CCDC150: variants seen among roughly 807,000 people sequenced by gnomAD.
CCDC150 encodes the protein coiled-coil domain containing 150, also known as coiled-coil domain-containing protein 150.
CCDC150 carries 151 observed loss-of-function variants against 156.5 expected under a neutral mutation model. The observed-to-expected ratio is 0.97, with a 90% CI of 0.85 to 1.10. CCDC150 has a LOEUF of 1.10. CCDC150 is among the 50% of genes least tolerant of loss of function. CCDC150 has a pLI of 0.00. For synonymous variants in CCDC150, 452 were observed against 429.4 expected (o/e 1.05, Z -0.65); for missense variants, 1,312 against 1,268.1 (o/e 1.03, Z -0.53).
At chr2:196,663,617 C>T (rs1693677975) in intron 5 of CCDC150, among the ~76,000 whole-genome samples, 1 of 151,914 alleles carries the variant, frequency 6.6e-6, no homozygotes, top group Admixed American at 6.6e-5. Flanking sequence ...GCAGTATTTA[C>T]AGTAGTGAAA....
rs1174516096 is a variant in CCDC150, at chr2:196,701,170, GA to G, written c.1689del (p.Lys563AsnfsTer4). On this transcript the variant is annotated frameshift_variant, in exon 15 of 28. Coordinates refer to ENST00000389175, the MANE Select transcript of CCDC150 (RefSeq NM_001080539.2). LOFTEE classifies it high-confidence loss of function. ...AAAAATAAACTGGCCTATGAAAACGGAAAACTCCAGGTATGAGATTTATTTT... is the reference window on the plus strand; with the variant it reads ...AAAAATAAACTGGCCTATGAAAACGGAAACTCCAGGTATGAGATTTATTTT... Reference protein sequence around the residue: ...ESKNKLAYENGKLQIKVKQLE... With the variant: ...ESKNKLAYENXKLQIKVKQLE... 1 of 1,596,486 alleles carries G rather than the reference GA, an allele frequency of 6.3e-7. No homozygotes were observed. Among genetic ancestry groups the G allele is most frequent in the East Asian group, 2.2e-5 (1 of 44,540 alleles).
intron 13 of CCDC150, among the ~76,000 whole-genome samples, chr2:196,691,361 T>TGCAACCAGAAA (rs1695460621): frequency 6.6e-6 from 1 of 152,230 alleles, no homozygotes; most frequent in East Asian, 1.9e-4. Flanking sequence ...TGCTAGGCTA[T>TGCAACCAGAAA]TTGTTACTGC....
intron 1 of CCDC150, among the ~76,000 whole-genome samples, chr2:196,642,608 C>T (rs886947886): frequency 6.6e-6 from 1 of 152,206 alleles, no homozygotes; most frequent in Non-Finnish European, 1.5e-5. Flanking sequence ...CAGCCATTAC[C>T]GCCCCCTCCC....
intron 17 of CCDC150, chr2:196,713,279 T>C (rs1697260152): frequency 7.1e-7 from 1 of 1,400,962 alleles, no homozygotes; most frequent in African/African-American, 1.5e-5. Context: ...ACTGTGTTGT[T>C]TCTCCTAGTA....
At chr2:196,712,082 A>C (rs1057135131) in intron 15 of CCDC150, 63 bp from the exon 16 acceptor site, 15 of 643,434 alleles carry the variant, frequency 2.3e-5, no homozygotes, top group Non-Finnish European at 3.9e-5. Flanking sequence ...AAATATGTGT[A>C]AATATATATG....
At chr2:196,683,063 A>C (rs1299855365) in intron 13 of CCDC150, among the ~76,000 whole-genome samples, 1 of 151,978 alleles carries the variant, frequency 6.6e-6, no homozygotes, top group Non-Finnish European at 1.5e-5. Context: ...TATTGAATAG[A>C]ATTGGTGAGA....
chr2:196,719,798 G>A, intron 19 of CCDC150, 132 bp downstream of exon 19: 1 of 550,822 alleles, frequency 1.8e-6, no homozygotes, highest in South Asian at 4.4e-5. Flanking sequence ...TATGTTGAAA[G>A]AATTCCTAAG....
chr2:196,716,015 TAAG>T (rs1697474382), intron 17 of CCDC150, among the ~76,000 whole-genome samples: 1 of 152,168 alleles, frequency 6.6e-6, no homozygotes, highest in Non-Finnish European at 1.5e-5. Context: ...ATTTAAATAC[TAAG>T]AAGAAAACCT....
intron 7 of CCDC150, among the ~76,000 whole-genome samples, chr2:196,669,475 A>G (rs1488715823): frequency 6.6e-6 from 1 of 152,130 alleles, no homozygotes; most frequent in Non-Finnish European, 1.5e-5. Flanking sequence ...GTCGGTCCTC[A>G]TCGTCATTAC....
chr2:196,693,027 T>C (rs942741264), intron 13 of CCDC150, among the ~76,000 whole-genome samples: 2 of 152,196 alleles, frequency 1.3e-5, no homozygotes, highest in African/African-American at 2.4e-5. Flanking sequence ...ATTTAAGATA[T>C]AATTCTTGTT....
intron 4 of CCDC150, among the ~76,000 whole-genome samples, chr2:196,658,560 G>C (rs2125586878): frequency 6.6e-6 from 1 of 152,204 alleles, no homozygotes; most frequent in South Asian, 2.1e-4. Flanking sequence ...CACTGTTTAT[G>C]ATATAAAAGA....
chr2:196,654,602 A>C (rs1005023358), intron 2 of CCDC150, among the ~76,000 whole-genome samples: 1 of 151,582 alleles, frequency 6.6e-6, no homozygotes, highest in Non-Finnish European at 1.5e-5. Context: ...GTACTTTTTT[A>C]TACTTTCTTA....
Position 196,721,546 on chromosome 2 carries a change from G to T in CCDC150, c.2284G>T (p.Gly762Cys), listed in dbSNP as rs1323974113. The T allele has an allele frequency of 6.2e-7, 1 of 1,605,782 alleles. No individual in the cohort carries two copies. The highest frequency in any genetic ancestry group is 8.5e-7 in the Non-Finnish European group (1 of 1,176,774). Reference protein sequence around the residue: ...SEIESLQKALGVAREDNRKLA... With the variant: ...SEIESLQKALCVAREDNRKLA... The stretch of plus-strand genomic sequence containing the variant: ...GATTGAATCTCTACAAAAAGCTCTA[G>T]GTGTAGCTAGAGAAGACAACAGGAA... The change falls in exon 21 of 28, where the codon GGT (glycine) becomes TGT (cysteine). Residue 762 changes from glycine to cysteine, a missense_variant. Transcript: ENST00000389175.
intron 7 of CCDC150, chr2:196,667,461 T>C (rs1443213151): frequency 6.5e-6 from 1 of 154,356 alleles, no homozygotes; most frequent in African/African-American, 2.4e-5. Flanking sequence ...CATACTACTG[T>C]TGCTAGTACT....
intron 13 of CCDC150, among the ~76,000 whole-genome samples, chr2:196,686,505 A>G (rs77910421): frequency 2.5e-3 from 380 of 152,276 alleles, no homozygotes; most frequent in Non-Finnish European, 4.7e-3. Flanking sequence ...TCTCAGCAAT[A>G]TTGAATCTTC....
rs1694370801 is a variant in CCDC150 at position 196,674,332 on chromosome 2, A to G, written c.1121A>G (p.His374Arg). The change falls in exon 10 of 28, where the codon CAT (histidine) becomes CGT (arginine). Residue 374 changes from histidine to arginine, a missense_variant. Transcript: ENST00000389175. ...GAAAAAGCCAGAATCATTGCTGACC[A>G]TCAGGCCATTCTGCAGGTATTCGTT... ...TMEKARIIADHQAILQVEQKM... is the reference protein window; with the variant it reads ...TMEKARIIADRQAILQVEQKM... 1 of 1,599,692 alleles carries G rather than the reference A, an allele frequency of 6.3e-7. No individual in the cohort carries two copies.
In CCDC150 at chr2:196,712,754, A is replaced by T. The variant is rs372608285; in HGVS notation, c.1866+15A>T. ...ACCTGAAAGAAGTATTGGTAATGAA[A>T]GTGCTTACTTGTCAGCATGGTGGCT... On this transcript the variant is annotated intron_variant, in intron 17 of 27. Transcript: ENST00000389175. 2.5e-6 allele frequency: 4 copies of T among 1,599,308 alleles called. No homozygotes were observed. The highest frequency in any genetic ancestry group is 3.4e-6 in the Non-Finnish European group (4 of 1,169,940).
intron 14 of CCDC150, 28 bp downstream of exon 14, chr2:196,695,187 G>T: frequency 8.2e-7 from 1 of 1,218,060 alleles, no homozygotes; most frequent in Non-Finnish European, 1.2e-6. Flanking sequence ...AGTCTAAATA[G>T]CAATTAATGA....
chr2:196,725,176 A>G (rs1698140398), intron 21 of CCDC150, among the ~76,000 whole-genome samples: 1 of 152,204 alleles, frequency 6.6e-6, no homozygotes, highest in African/African-American at 2.4e-5. Flanking sequence ...AGGTGATTTC[A>G]TGGCAGGGCA....
Sources: allele counts gnomAD v4.1 joint callset (sites outside exome capture counted in the v4.1 genomes callset), GRCh38; gene constraint gnomAD v4.1.1; transcripts MANE v1.5; gene names NCBI Gene and HGNC (gene_info 2026-07-23, HGNC 2026-07-21).